The following TOX2 variants were observed in gnomAD, a reference collection of about 807,000 sequenced individuals.
TOX2 encodes TOX high mobility group box family member 2.
TOX2 carries 15 observed loss-of-function variants against 47.4 expected under a neutral mutation model. The observed-to-expected ratio is 0.32, with a 90% CI of 0.21 to 0.49. The LOEUF is 0.49. Among genes scored for constraint, TOX2 ranks in the 20% least tolerant of loss-of-function variants. The pLI is 0.99. For missense variants in TOX2, 622 were observed against 673.1 expected, an observed-to-expected ratio of 0.92 and a Z score of 0.84; for synonymous variants, 290 against 296.6, an observed-to-expected ratio of 0.98 and a Z score of 0.23.
At chr20:43,963,874 G>A (rs951576307) in intron 1 of TOX2, among the ~76,000 whole-genome samples, 6 of 152,088 alleles carry the variant, frequency 3.9e-5, no homozygotes, top group African/African-American at 1.4e-4. Context: ...TCAGAGATTT[G>A]CACAAAGCCC....
chr20:44,006,159 C>A (rs2070675497), intron 2 of TOX2, among the ~76,000 whole-genome samples: 1 of 152,204 alleles, frequency 6.6e-6, no homozygotes, highest in Non-Finnish European at 1.5e-5. Flanking sequence ...CAACTCTTCC[C>A]CCAGCCATGG....
chr20:43,916,784 G>A lies in TOX2; in HGVS notation c.99+1794G>A, dbSNP rs926030284. ...GTGCCTCAAAGTCTGAGTGGGTGGG[G>A]GTTTAGCCTGGAGCGCTCCGTTTGA... On this transcript the variant is annotated intron_variant, in intron 1 of 8. Coordinates refer to ENST00000341197, the MANE Select transcript of TOX2 (RefSeq NM_001098797.2). This position sits in a 1 kb window ranked among gnomAD's most constrained non-coding sequence, Gnocchi z 5.0. 6.6e-6 allele frequency among the ~76,000 whole-genome samples: 1 copy of A among 152,166 alleles called. No individual in the cohort carries two copies. The highest frequency in any genetic ancestry group is 2.4e-5 in the African/African-American group (1 of 41,428).
intron 1 of TOX2, among the ~76,000 whole-genome samples, chr20:43,948,302 G>A (rs112084700): frequency 2.6e-5 from 4 of 152,286 alleles, no homozygotes; most frequent in African/African-American, 9.6e-5. Flanking sequence ...TAATTGCTGT[G>A]TGATCTTGGG....
intron 1 of TOX2, among the ~76,000 whole-genome samples, chr20:43,917,880 G>A (rs2069075109): frequency 6.6e-6 from 1 of 152,152 alleles, no homozygotes; most frequent in African/African-American, 2.4e-5. Flanking sequence ...GGTGCTTTTT[G>A]AGCATAGGGA....
At chr20:43,969,587 T>A (rs978850719) in intron 1 of TOX2, among the ~76,000 whole-genome samples, 1 of 152,218 alleles carries the variant, frequency 6.6e-6, no homozygotes, top group African/African-American at 2.4e-5. Context: ...CCCCAACTAT[T>A]CCTTCATGCC....
intron 1 of TOX2, chr20:43,945,927 C>T (rs2069462333): frequency 1.2e-6 from 2 of 1,613,480 alleles, no homozygotes; most frequent in African/African-American, 1.3e-5. Context: ...AGCAGACTCG[C>T]ACAGAGGCTG....
intron 4 of TOX2, among the ~76,000 whole-genome samples, chr20:44,053,404 T>G (rs527817867): frequency 6.6e-6 from 1 of 151,482 alleles, no homozygotes. Context: ...GGATCCTTTT[T>G]GGGGATTGTG....
chr20:43,946,319 T>C, intron 1 of TOX2, among the ~76,000 whole-genome samples: 1 of 152,046 alleles, frequency 6.6e-6, no homozygotes, highest in Non-Finnish European at 1.5e-5. Flanking sequence ...CATTCATTCA[T>C]TCAGCACACC....
chr20:44,043,627 C>T (rs1671202004), intron 3 of TOX2, among the ~76,000 whole-genome samples: 1 of 152,152 alleles, frequency 6.6e-6, no homozygotes, highest in South Asian at 2.1e-4. Context: ...GTGAATACAC[C>T]ACAGATTTTC....
At chr20:44,064,427 A>C (rs1356741246) in intron 5 of TOX2, among the ~76,000 whole-genome samples, 2 of 152,248 alleles carry the variant, frequency 1.3e-5, no homozygotes, top group East Asian at 3.8e-4. Context: ...TAGGTTGCGA[A>C]GGTGGTTCGG....
chr20:43,928,997 A>AAAAAAAAAAAC (rs540054093), intron 1 of TOX2, among the ~76,000 whole-genome samples: 18 of 149,660 alleles, frequency 1.2e-4, no homozygotes, highest in African/African-American at 4.5e-4. Flanking sequence ...AAAAAAAAAA[A>AAAAAAAAAAAC]AACAACAACA....
chr20:43,953,791 G>C (rs999800069), intron 1 of TOX2, among the ~76,000 whole-genome samples: 2 of 152,140 alleles, frequency 1.3e-5, no homozygotes, highest in Non-Finnish European at 2.9e-5. Context: ...GAGCCTAGTA[G>C]GATTTTGAGC....
Position 44,006,751 on chromosome 20 carries a change from C to A in TOX2, c.370C>A (p.Leu124Ile), listed in dbSNP as rs144544286. The change falls in exon 3 of 9, where the codon CTA becomes ATA. Residue 124 changes from leucine (L) to isoleucine (I), a missense_variant. Transcript: ENST00000341197. ...DLPAIMVSNM[L>I]AQDSHLLSGQ... is the part of the protein sequence containing the mutation. ...CCCAGCCATCATGGTGTCCAACATG[C>A]TAGCACAGGACAGCCACCTGCTGTC... 6,759 of 1,614,002 alleles carry A rather than the reference C, an allele frequency of 4.2e-3. 17 individuals are homozygous for A. The highest frequency in any genetic ancestry group is 5.4e-3 in the Non-Finnish European group (6,404 of 1,180,000).
intron 3 of TOX2, among the ~76,000 whole-genome samples, chr20:44,015,120 TA>T (rs2070856679): frequency 6.6e-6 from 1 of 152,052 alleles, no homozygotes; most frequent in South Asian, 2.1e-4. Flanking sequence ...GGGATGGAAG[TA>T]GGGGGAGCAC....
At chr20:44,020,882 CT>C (rs1333058721) in intron 3 of TOX2, among the ~76,000 whole-genome samples, 5 of 152,270 alleles carry the variant, frequency 3.3e-5, no homozygotes, top group East Asian at 3.9e-4. Context: ...TGGTTGCAGA[CT>C]TTTTCCCCCC....
At chr20:44,040,106 A>T (rs945602177) in intron 3 of TOX2, among the ~76,000 whole-genome samples, 2 of 152,188 alleles carry the variant, frequency 1.3e-5, no homozygotes, top group Non-Finnish European at 2.9e-5. Flanking sequence ...AGGGATGGGC[A>T]GGGTCTCACC....
At chr20:44,067,986 C>T (rs2071862624) in intron 8 of TOX2, among the ~76,000 whole-genome samples, 1 of 152,278 alleles carries the variant, frequency 6.6e-6, no homozygotes, top group African/African-American at 2.4e-5. Flanking sequence ...ACGGCTGGTT[C>T]CTCTGCTGAC....
intron 3 of TOX2, among the ~76,000 whole-genome samples, chr20:44,043,207 A>G (rs2071361108): frequency 6.6e-6 from 1 of 152,132 alleles, no homozygotes; most frequent in African/African-American, 2.4e-5. Flanking sequence ...AATGTGGCCA[A>G]TTAAGTTATG....
rs1569135709 is a variant in TOX2 at position 44,051,291 on chromosome 20, GTCC to G, written c.412-9_412-7del. The G allele has an allele frequency of 1.0e-5, 16 of 1,593,348 alleles. No homozygotes were observed. The highest frequency in any genetic ancestry group is 8.5e-5 in the Admixed American group (5 of 58,818). ...AGATCCTTCCTAACTCAACCCTCCT[GTCC>G]TCCTCTCTTAGATCCAGGAGATGGT... On this transcript the variant is annotated splice_polypyrimidine_tract_variant and intron_variant, in intron 3 of 8. Coordinates refer to ENST00000341197, the MANE Select transcript of TOX2 (RefSeq NM_001098797.2).
Sources: gnomAD v4.1 joint callset for allele counts (sites outside exome capture counted in the v4.1 genomes callset) on GRCh38, gnomAD v4.1.1 for gene constraint, Gnocchi (gnomAD v3.1) non-coding constraint, MANE v1.5 for transcripts, NCBI Gene and HGNC (gene_info 2026-07-23, HGNC 2026-07-21) for gene names.